Variants in SUN5 observed in about 807,000 individuals in gnomAD.
SUN5 encodes SUN domain-containing protein 5.
A neutral mutation model predicts 53.7 loss-of-function variants in SUN5; 44 were observed. That is an observed-to-expected ratio of 0.82 (90% confidence interval 0.64 to 1.05). The LOEUF (loss-of-function observed/expected upper bound fraction) is 1.05. Ranked by LOEUF, SUN5 falls within the 50% of genes least tolerant of loss-of-function variation. The probability of loss-of-function intolerance (pLI) is 0.00; values close to 1 mark genes in which losing one functional copy is unlikely to be tolerated. For synonymous variants in SUN5, 166 were observed against 179.8 expected (o/e 0.92, Z 0.62); for missense variants, 433 against 483.8 (o/e 0.90, Z 0.98).
chr20:32,986,139 C>T (rs530089875), intron 10 of SUN5, among the ~76,000 whole-genome samples: 4 of 152,352 alleles, frequency 2.6e-5, no homozygotes, highest in African/African-American at 4.8e-5. Flanking sequence ...AGCCTCCACC[C>T]GCTCCCCACT....
chr20:33,000,293 C>T (rs1204461519), intron 4 of SUN5, among the ~76,000 whole-genome samples, 158 bp from the exon 5 acceptor site: 1 of 152,176 alleles, frequency 6.6e-6, no homozygotes, highest in Admixed American at 6.5e-5. Flanking sequence ...CTCAAATGTC[C>T]CCTCCTCCAA....
At chr20:32,999,838 A>G in intron 5 of SUN5, 1 of 1,386,570 alleles carries the variant, frequency 7.2e-7, no homozygotes, top group Non-Finnish European at 9.8e-7. Flanking sequence ...CAGAAAGCGG[A>G]AGTAACAATG....
rs1989501518 is a variant in SUN5 at position 32,985,137 on chromosome 20, A to G, written c.946T>C (p.Phe316Leu). The G allele has an allele frequency of 6.2e-7, 1 of 1,613,992 alleles. No individual in the cohort carries two copies. Among genetic ancestry groups the G allele is most frequent in the Non-Finnish European group, 8.5e-7 (1 of 1,179,958 alleles). ...KEEVFLGAFQFQPENIIQMFP... is the reference protein window; with the variant it reads ...KEEVFLGAFQLQPENIIQMFP... Reference sequence around the variant, plus strand: ...ATCTGGATGATGTTTTCTGGCTGAAACTGAAATGCCCCCAGGAACACCTCC... The same window carrying G: ...ATCTGGATGATGTTTTCTGGCTGAAGCTGAAATGCCCCCAGGAACACCTCC... The change falls in exon 12 of 13, where the codon TTT becomes CTT. Residue 316 changes from phenylalanine (F) to leucine (L), a missense_variant. Coordinates refer to ENST00000356173, the MANE Select transcript of SUN5 (RefSeq NM_080675.4).
intron 11 of SUN5, 80 bp from the exon 12 acceptor site, chr20:32,985,265 T>G: frequency 7.7e-7 from 1 of 1,293,806 alleles, no homozygotes; most frequent in Non-Finnish European, 1.1e-6. Flanking sequence ...AGTGGAGACT[T>G]GCACACTCCC....
chr20:32,993,342 A>AT (rs1286987283), intron 8 of SUN5, among the ~76,000 whole-genome samples: 2 of 152,316 alleles, frequency 1.3e-5, no homozygotes, highest in South Asian at 2.1e-4. Flanking sequence ...ATGTGCTGGC[A>AT]TTTTTTGTCC....
chr20:32,991,828 C>T (rs949293520), intron 8 of SUN5, among the ~76,000 whole-genome samples: 2 of 150,668 alleles, frequency 1.3e-5, no homozygotes, highest in Admixed American at 6.7e-5. Context: ...GAAGACATCA[C>T]GTAATTTTAG....
In SUN5 at chr20:32,997,758, A is replaced by G. The variant is rs1346243136; in HGVS notation, c.341-71T>C. Reference sequence around the variant, plus strand: ...GAAGAGCCTAGGTGCTGGAGTTAGGACATCTGGGTTCAAATCCCAGCTATG... The same window carrying G: ...GAAGAGCCTAGGTGCTGGAGTTAGGGCATCTGGGTTCAAATCCCAGCTATG... On this transcript the variant is annotated intron_variant, in intron 5 of 12. Transcript: ENST00000356173. 6.4e-6 allele frequency: 10 copies of G among 1,568,318 alleles called. No individual in the cohort carries two copies. The East Asian group carries it at 2.0e-4, about 32-fold the overall frequency.
At chr20:32,997,332 G>A (rs932995351) in intron 6 of SUN5, among the ~76,000 whole-genome samples, 1 of 152,190 alleles carries the variant, frequency 6.6e-6, no homozygotes, top group African/African-American at 2.4e-5. Flanking sequence ...ACAGAAATGT[G>A]TTCCCTGTTA....
chr20:32,988,804 G>A lies in SUN5; in HGVS notation c.613+816C>T, dbSNP rs948422739. Among the ~76,000 whole-genome samples the A allele has an allele frequency of 2.0e-5, 3 of 152,062 alleles. No homozygotes were observed. In the South Asian group the frequency reaches 6.2e-4, roughly 32 times the overall value. On this transcript the variant is annotated intron_variant, in intron 9 of 12. Transcript: ENST00000356173. The stretch of plus-strand genomic sequence containing the variant: ...GGGTTTTACCATGTTGGCCAGGCTG[G>A]TTTTGAACTTCTGACCTCAGGTGAT...
chr20:32,987,050 G>A (rs912951718), intron 10 of SUN5, among the ~76,000 whole-genome samples: 31 of 152,222 alleles, frequency 2.0e-4, no homozygotes, highest in Admixed American at 1.6e-3. Context: ...ATCACCCAGG[G>A]TGTGCCACTG....
chr20:32,988,988 C>T (rs60652662), intron 9 of SUN5, among the ~76,000 whole-genome samples: 21 of 151,998 alleles, frequency 1.4e-4, no homozygotes, highest in African/African-American at 4.8e-4. Context: ...TGCTGTGGCG[C>T]GATCTAGGCT....
intron 6 of SUN5, 42 bp downstream of exon 6, chr20:32,997,596 G>A: frequency 3.7e-6 from 6 of 1,609,646 alleles, no homozygotes; most frequent in Non-Finnish European, 2.6e-6. Context: ...TGGTTAGGGT[G>A]AGACCTGTCA....
chr20:32,986,634 G>A (rs1180087576), intron 10 of SUN5, among the ~76,000 whole-genome samples: 2 of 152,168 alleles, frequency 1.3e-5, no homozygotes, highest in East Asian at 1.9e-4. Context: ...GGAACAGCAC[G>A]GGAAAGGACC....
At chr20:32,987,835 C>G in intron 9 of SUN5, 60 bp from the exon 10 acceptor site, 1 of 1,370,378 alleles carries the variant, frequency 7.3e-7, no homozygotes, top group Non-Finnish European at 1.0e-6. Flanking sequence ...GGAGGGGACG[C>G]CACTGATGGG....
In SUN5 at chr20:32,983,937, G is replaced by A. The variant is rs771430099; in HGVS notation, c.997C>T (p.Arg333Trp). 11 of 1,583,386 alleles carry A rather than the reference G, an allele frequency of 6.9e-6. No individual in the cohort carries two copies. The highest frequency in any genetic ancestry group is 2.7e-5 in the African/African-American group (2 of 74,116). The change falls in exon 13 of 13, where the codon CGG (arginine) becomes TGG (tryptophan). Residue 333 changes from arginine (R) to tryptophan (W), a missense_variant. Transcript: ENST00000356173. ...QMFPLQNQPA[R>W]AFSAVKVKIS... is the part of the protein sequence containing the mutation. ...TTCACCTTGACCGCACTGAAAGCCC[G>A]GGCCGGCTGGTTCTGGAAGAGAATC...
chr20:32,985,704 C>T, intron 11 of SUN5, 32 bp downstream of exon 11: 1 of 1,608,964 alleles, frequency 6.2e-7, no homozygotes, highest in Non-Finnish European at 8.5e-7. Context: ...GTCCCTTTAG[C>T]TAAGCATAGC....
intron 8 of SUN5, among the ~76,000 whole-genome samples, chr20:32,990,644 G>C (rs1030669943): frequency 1.3e-5 from 2 of 152,240 alleles, no homozygotes; most frequent in African/African-American, 4.8e-5. Flanking sequence ...ACACGGAGAG[G>C]CCACAGATGG....
intron 12 of SUN5, 96 bp from the exon 13 acceptor site, chr20:32,984,045 G>C: frequency 7.1e-7 from 1 of 1,413,122 alleles, no homozygotes; most frequent in Non-Finnish European, 9.3e-7. Context: ...CATTTCATAG[G>C]TGGGAAAACT....
chr20:32,999,711 C>A, intron 5 of SUN5: 1 of 548,818 alleles, frequency 1.8e-6, no homozygotes, highest in East Asian at 3.3e-5. Context: ...TACCCCACCC[C>A]CAGCCTCCAC....
Sources: gnomAD v4.1 joint callset for allele counts (sites outside exome capture counted in the v4.1 genomes callset) on GRCh38, gnomAD v4.1.1 for gene constraint, MANE v1.5 for transcripts, NCBI Gene and HGNC (gene_info 2026-07-23, HGNC 2026-07-21) for gene names.